LINC00237: variants seen among roughly 807,000 people sequenced by gnomAD.
The protein encoded by LINC00237 is long independently transcribed non-coding RNA 237, also known as long intergenic non-protein coding RNA 237.
At chr20:21,088,201 A>T (rs986003609) in intron 2 of LINC00237, among the ~76,000 whole-genome samples, 1 of 152,126 alleles carries the variant, frequency 6.6e-6, no homozygotes, top group African/African-American at 2.4e-5. Context: ...CGCAGTCACT[A>T]TAGGACCGTG....
At chr20:21,091,990 CT>C (rs1427436040) in intron 2 of LINC00237, among the ~76,000 whole-genome samples, 1 of 151,854 alleles carries the variant, frequency 6.6e-6, no homozygotes, top group Non-Finnish European at 1.5e-5. Context: ...ATACTGAGTT[CT>C]TTTGGTTCTT....
intron 2 of LINC00237, among the ~76,000 whole-genome samples, chr20:21,091,260 C>A (rs2030789259): frequency 6.6e-6 from 1 of 152,130 alleles, no homozygotes; most frequent in Non-Finnish European, 1.5e-5. Context: ...GAGCATAATG[C>A]AGCTTGTTAG....
At chr20:21,104,918 TC>T (rs2030978612) in intron 1 of LINC00237, among the ~76,000 whole-genome samples, 1 of 152,236 alleles carries the variant, frequency 6.6e-6, no homozygotes, top group African/African-American at 2.4e-5. Context: ...ATTTGGTTGT[TC>T]ATGATTTTCC....
intron 1 of LINC00237, among the ~76,000 whole-genome samples, chr20:21,098,105 T>C (rs912798713): frequency 6.6e-6 from 1 of 152,212 alleles, no homozygotes; most frequent in Non-Finnish European, 1.5e-5. Context: ...GTTCTGTATA[T>C]AAAAATGAGC....
At chr20:21,089,891 A>G (rs145067829) in intron 2 of LINC00237, 5 of 152,360 alleles carry the variant, frequency 3.3e-5, no homozygotes, top group African/African-American at 1.2e-4. Context: ...TGGGTTCCGC[A>G]TATAAGGTAG....
At chr20:21,092,136 A>G (rs903982403) in intron 2 of LINC00237, among the ~76,000 whole-genome samples, 13 of 152,226 alleles carry the variant, frequency 8.5e-5, no homozygotes, top group Non-Finnish European at 1.8e-4. Flanking sequence ...CCCAGTGTTC[A>G]AGGACTCTGC....
In LINC00237 at chr20:21,089,176, G is replaced by A. The variant is rs1188297971; in HGVS notation, n.473-1146C>T. Among the ~76,000 whole-genome samples the A allele has an allele frequency of 4.0e-5, 6 of 150,372 alleles. No homozygotes were observed. The Admixed American group carries it at 4.0e-4, about 10-fold the overall frequency. On this transcript the variant is annotated intron_variant and non_coding_transcript_variant, in intron 2 of 3. Transcript: ENST00000691244. The stretch of plus-strand genomic sequence containing the variant: ...TGCAAAGGATTGCTGAATATTCATT[G>A]ATGTATCTAGTATCCACAAGTATGC...
rs529849607 is a variant in LINC00237, at chr20:21,101,809, T to C, written n.88+4462A>G. On this transcript the variant is annotated intron_variant and non_coding_transcript_variant, in intron 1 of 3. Coordinates refer to ENST00000691244, the Ensembl canonical transcript of LINC00237. The surrounding 1 kb of genome is among the most constrained non-coding windows in gnomAD (Gnocchi z 4.3). ...GGCTGCGCCACCGTGGGGATGGAGGTGGGAGTTGGAACACAGCCCCCTAGC... is the reference window on the plus strand; with the variant it reads ...GGCTGCGCCACCGTGGGGATGGAGGCGGGAGTTGGAACACAGCCCCCTAGC... Among the ~76,000 whole-genome samples the C allele has an allele frequency of 6.7e-6, 1 of 149,490 alleles. No individual in the cohort carries two copies. Among genetic ancestry groups the C allele is most frequent in the Non-Finnish European group, 1.5e-5 (1 of 67,302 alleles).
intron 1 of LINC00237, among the ~76,000 whole-genome samples, chr20:21,094,291 C>T (rs2030828562): frequency 6.6e-6 from 1 of 152,190 alleles, no homozygotes; most frequent in Non-Finnish European, 1.5e-5. Flanking sequence ...TTCAGCTTTG[C>T]ACAGACACTC....
chr20:21,097,189 T>C (rs2038501519), intron 1 of LINC00237, among the ~76,000 whole-genome samples: 1 of 152,184 alleles, frequency 6.6e-6, no homozygotes, highest in African/African-American at 2.4e-5. Context: ...GAACTCTGTA[T>C]CACAGATGGA....
chr20:21,103,265 C>T (rs1215890347), intron 1 of LINC00237, among the ~76,000 whole-genome samples: 1 of 152,126 alleles, frequency 6.6e-6, no homozygotes, highest in Non-Finnish European at 1.5e-5. Flanking sequence ...TAAGCGCTTC[C>T]TTGGGGTGGC....
chr20:21,090,024 T>C (rs1029311819), intron 2 of LINC00237: 6 of 152,240 alleles, frequency 3.9e-5, no homozygotes, highest in African/African-American at 1.2e-4. Context: ...TCTGAATGTC[T>C]TTCCATTGTT....
At chr20:21,094,947 A>C (rs1237191151) in intron 1 of LINC00237, among the ~76,000 whole-genome samples, 1 of 152,170 alleles carries the variant, frequency 6.6e-6, no homozygotes, top group Non-Finnish European at 1.5e-5. Context: ...GTTACTCAGG[A>C]GGCTGAGGCA....
chr20:21,088,906 C>T (rs952434064), intron 2 of LINC00237, among the ~76,000 whole-genome samples: 11 of 152,030 alleles, frequency 7.2e-5, no homozygotes, highest in South Asian at 2.1e-4. Flanking sequence ...AATCACTATA[C>T]GAATACTGCA....
intron 3 of LINC00237, among the ~76,000 whole-genome samples, chr20:21,087,234 G>C (rs1397330827): frequency 1.3e-5 from 2 of 151,708 alleles, no homozygotes; most frequent in East Asian, 3.9e-4. Flanking sequence ...ACTTGTTTTC[G>C]CTTAACAGGA....
At chr20:21,102,855 G>T (rs2122184402) in intron 1 of LINC00237, among the ~76,000 whole-genome samples, 1 of 152,328 alleles carries the variant, frequency 6.6e-6, no homozygotes, top group South Asian at 2.1e-4. Flanking sequence ...GGTGATGGGT[G>T]TGCAGCGAAC....
chr20:21,102,350 G>A (rs993233829), intron 1 of LINC00237, among the ~76,000 whole-genome samples: 2 of 152,174 alleles, frequency 1.3e-5, no homozygotes, highest in Admixed American at 6.5e-5. Flanking sequence ...GACGTGTCTG[G>A]AACCTTCCCT....
At chr20:21,095,743 A>T (rs2030849765) in intron 1 of LINC00237, among the ~76,000 whole-genome samples, 1 of 152,132 alleles carries the variant, frequency 6.6e-6, no homozygotes, top group African/African-American at 2.4e-5. Context: ...ATAGCTCCTT[A>T]CCTGTCTACA....
intron 3 of LINC00237, among the ~76,000 whole-genome samples, chr20:21,086,918 T>A (rs967516592): frequency 2.2e-5 from 3 of 138,244 alleles, no homozygotes; most frequent in Non-Finnish European, 4.6e-5. Context: ...ATATAGTATA[T>A]ATACACTATA....
Sources: gnomAD v4.1 joint callset for allele counts (sites outside exome capture counted in the v4.1 genomes callset) on GRCh38, gnomAD v4.1.1 for gene constraint, Gnocchi (gnomAD v3.1) non-coding constraint, MANE v1.5 for transcripts, NCBI Gene and HGNC (gene_info 2026-07-23, HGNC 2026-07-21) for gene names.